Variants in MYO1H observed in about 807,000 individuals in gnomAD.
The protein encoded by MYO1H is unconventional myosin-Ih.
In MYO1H, 118 loss-of-function variants were observed where a neutral mutation model predicts 149.3. That is an observed-to-expected ratio of 0.79 (90% CI 0.68 to 0.92). MYO1H has a LOEUF of 0.92. Among genes scored for constraint, MYO1H ranks in the 40% least tolerant of loss-of-function variants. The pLI, the probability that MYO1H is intolerant of heterozygous loss-of-function variation, is 0.00. For synonymous variants in MYO1H, 447 were observed against 465.2 expected (o/e 0.96, Z 0.50); for missense variants, 1,212 against 1,280.7 (o/e 0.95, Z 0.82).
the MYO1H span, among the ~76,000 whole-genome samples, chr12:109,330,914 T>A: frequency 6.6e-6 from 1 of 151,884 alleles, no homozygotes; most frequent in Non-Finnish European, 1.5e-5. Flanking sequence ...GTCGGAGGGG[T>A]TTTTAGCATC....
chr12:109,448,176 T>G lies in MYO1H; in HGVS notation c.*994T>G, dbSNP rs541019326. 2.6e-5 allele frequency: 4 copies of G among 152,328 alleles called. No homozygotes were observed. The South Asian group carries it at 8.3e-4, about 32-fold the overall frequency. 9.4% of individuals were successfully genotyped at this position (152,328 alleles called of 1,614,324 possible). On this transcript the variant is annotated 3_prime_UTR_variant, in exon 32 of 32. Coordinates refer to ENST00000310903, the Ensembl canonical transcript of MYO1H. ...CTTTGGTCTTTATTTAGAAATTGGGTGATGTTTTTGTGCCCAGCAACATGC... is the reference window on the plus strand; with the variant it reads ...CTTTGGTCTTTATTTAGAAATTGGGGGATGTTTTTGTGCCCAGCAACATGC...
exon 32 of MYO1H, chr12:109,448,073 T>C (rs1872564353): frequency 1.3e-5 from 2 of 152,144 alleles, no homozygotes; most frequent in Non-Finnish European, 2.9e-5. Context: ...TCACCAAAAC[T>C]TAGGTAATAT....
chr12:109,445,495 C>T lies in MYO1H; in HGVS notation c.2994-18C>T. The T allele has an allele frequency of 6.4e-7, 1 of 1,565,736 alleles. No individual in the cohort carries two copies. The highest frequency in any genetic ancestry group is 8.8e-7 in the Non-Finnish European group (1 of 1,140,480). On this transcript the variant is annotated intron_variant, in intron 30 of 31. Transcript: ENST00000310903. ...AAAATACAGTATGTCAGTAATGTGT[C>T]ACTTTGTGTATTTTAAGTTTACAGT...
At chr12:109,346,179 TGTA>T (rs2048101938), upstream of MYO1H, among the ~76,000 whole-genome samples, 1 of 152,192 alleles carries the variant, frequency 6.6e-6, no homozygotes, top group Admixed American at 6.5e-5. Flanking sequence ...GCCTAGACAA[TGTA>T]GTATAACAAC....
the MYO1H span, among the ~76,000 whole-genome samples, chr12:109,324,025 A>C: frequency 3.3e-5 from 5 of 152,180 alleles, no homozygotes; most frequent in South Asian, 1.0e-3. Flanking sequence ...AAAAAAAAAA[A>C]AAAGTGTTCA....
At chr12:109,387,197 C>G (rs1869377973) in intron 1 of MYO1H, among the ~76,000 whole-genome samples, 1 of 152,166 alleles carries the variant, frequency 6.6e-6, no homozygotes, top group Non-Finnish European at 1.5e-5. Context: ...TCCCAGTGTG[C>G]TGGGATCACA....
At chr12:109,342,776 C>G in the MYO1H span, among the ~76,000 whole-genome samples, 8 of 151,802 alleles carry the variant, frequency 5.3e-5, no homozygotes, top group Non-Finnish European at 1.0e-4. Flanking sequence ...CTCCTGGCTT[C>G]AAGTGATCCT....
At chr12:109,413,715 G>T (rs1870772963) in intron 14 of MYO1H, among the ~76,000 whole-genome samples, 1 of 152,160 alleles carries the variant, frequency 6.6e-6, no homozygotes, top group Admixed American at 6.6e-5. Context: ...TTCAAGACCA[G>T]CCTGACCAAC....
At chr12:109,319,872 G>C in the MYO1H span, among the ~76,000 whole-genome samples, 1 of 152,166 alleles carries the variant, frequency 6.6e-6, no homozygotes, top group Non-Finnish European at 1.5e-5. Context: ...ATTGCCCCCA[G>C]CTTAGAACCA....
At chr12:109,360,935 C>G (rs192077850) in intron 1 of MYO1H, among the ~76,000 whole-genome samples, 1 of 152,328 alleles carries the variant, frequency 6.6e-6, no homozygotes, top group African/African-American at 2.4e-5. Flanking sequence ...CCTATGAACA[C>G]AACTCACGTC....
chr12:109,360,217 G>A (rs1482412619), intron 1 of MYO1H, among the ~76,000 whole-genome samples: 1 of 151,866 alleles, frequency 6.6e-6, no homozygotes, highest in Admixed American at 6.6e-5. Flanking sequence ...TTCCCAGTGG[G>A]TTTTACTGGG....
At position 109,441,714 on chromosome 12, in the gene MYO1H, T is replaced by G; in HGVS notation, c.2632+6T>G. 1 of 1,600,272 alleles carries G rather than the reference T, an allele frequency of 6.2e-7. No homozygotes were observed. On this transcript the variant is annotated splice_donor_region_variant and intron_variant, in intron 26 of 31. Transcript: ENST00000310903. The stretch of plus-strand genomic sequence containing the variant: ...CTTTGTCAACAGTCGGATAGGTAAG[T>G]ACATTTTCCAGCCTATGTACTTGGC...
At chr12:109,325,510 G>A in the MYO1H span, among the ~76,000 whole-genome samples, 1 of 152,162 alleles carries the variant, frequency 6.6e-6, no homozygotes, top group Admixed American at 6.5e-5. Context: ...ATACCATTCA[G>A]GACATACGCA....
intron 19 of MYO1H, among the ~76,000 whole-genome samples, chr12:109,430,497 G>T (rs761643497): frequency 6.6e-6 from 1 of 152,194 alleles, no homozygotes; most frequent in African/African-American, 2.4e-5. Context: ...CCTGGGGGTG[G>T]TGGAGACCCT....
the MYO1H span, among the ~76,000 whole-genome samples, chr12:109,322,139 A>G: frequency 2.0e-5 from 3 of 152,192 alleles, no homozygotes; most frequent in South Asian, 4.1e-4. Context: ...AAAGATGTTT[A>G]CTGCTATATG....
intron 12 of MYO1H, among the ~76,000 whole-genome samples, 173 bp downstream of exon 12, chr12:109,410,241 G>A (rs1484957247): frequency 6.6e-6 from 1 of 151,784 alleles, no homozygotes; most frequent in African/African-American, 2.4e-5. Flanking sequence ...TCCTGGGCTC[G>A]AGTGATCCTC....
At chr12:109,311,613 G>A in the MYO1H span, among the ~76,000 whole-genome samples, 2 of 152,170 alleles carry the variant, frequency 1.3e-5, no homozygotes, top group African/African-American at 4.8e-5. Context: ...CCTGTACTAG[G>A]TGATGCTTTC....
chr12:109,383,909 T>A, intron 1 of MYO1H, among the ~76,000 whole-genome samples: 1 of 152,208 alleles, frequency 6.6e-6, no homozygotes, highest in East Asian at 1.9e-4. Flanking sequence ...ACATGATACT[T>A]CCAAAATGAT....
the MYO1H span, among the ~76,000 whole-genome samples, chr12:109,339,083 G>A: frequency 2.6e-5 from 4 of 151,992 alleles, no homozygotes; most frequent in Admixed American, 6.6e-5. Context: ...TAACATTTCC[G>A]GCCAGGTGCA....
Sources: allele counts gnomAD v4.1 joint callset (sites outside exome capture counted in the v4.1 genomes callset), GRCh38; gene constraint gnomAD v4.1.1; transcripts MANE v1.5; gene names NCBI Gene and HGNC (gene_info 2026-07-23, HGNC 2026-07-21).